Variants in EPS15 observed in about 807,000 individuals in gnomAD.
EPS15 encodes the protein epidermal growth factor receptor substrate 15.
EPS15 carries 72 observed loss-of-function variants against 113.8 expected under a neutral mutation model. The observed-to-expected ratio is 0.63, with a 90% CI of 0.52 to 0.77. EPS15 has a LOEUF of 0.77. EPS15 is among the 30% of genes least tolerant of loss of function. The pLI is 0.00. For synonymous variants in EPS15, 344 were observed against 363.4 expected, an observed-to-expected ratio of 0.95 and a Z score of 0.61; for missense variants, 1,048 against 1,045.8, an observed-to-expected ratio of 1.00 and a Z score of -0.03.
intron 1 of EPS15, among the ~76,000 whole-genome samples, chr1:51,495,332 GTTTTA>G (rs998592369): frequency 6.6e-6 from 1 of 150,878 alleles, no homozygotes; most frequent in African/African-American, 2.4e-5. Context: ...GACAAAGTGA[GTTTTA>G]TTTATTTTTA....
At chr1:51,411,876 TA>T (rs1649755417) in intron 13 of EPS15, among the ~76,000 whole-genome samples, 1 of 152,198 alleles carries the variant, frequency 6.6e-6, no homozygotes, top group African/African-American at 2.4e-5. Context: ...CAAAGGATTA[TA>T]AATCATTCCA....
At chr1:51,475,368 AT>A (rs1340375134) in intron 2 of EPS15, among the ~76,000 whole-genome samples, 2 of 152,184 alleles carry the variant, frequency 1.3e-5, no homozygotes, top group Non-Finnish European at 1.5e-5. Context: ...AATGATCGCC[AT>A]TCTAACTGGT....
At chr1:51,475,839 T>C (rs148586390) in intron 2 of EPS15, among the ~76,000 whole-genome samples, 13,352 of 152,222 alleles carry the variant, frequency 0.088, 659 homozygotes, top group Middle Eastern at 0.12. Flanking sequence ...CTTTAATCCA[T>C]CTTGAAATAA....
chr1:51,365,975 G>A lies in EPS15; in HGVS notation c.2174C>T (p.Ala725Val). 3 of 1,612,066 alleles carry A rather than the reference G, an allele frequency of 1.9e-6. No homozygotes were observed. Among genetic ancestry groups the A allele is most frequent in the Non-Finnish European group, 2.5e-6 (3 of 1,178,668 alleles). Residue 725 changes from alanine to valine, a missense_variant, in exon 22 of 25, where the codon GCT (alanine) becomes GTT (valine). Physicochemically the swap from Ala to Val is moderately conservative, Grantham distance 64. Transcript: ENST00000371733. ...TACCTTTGACAATGTGCTGAAGTCA[G>A]CAAATCCACCTCCAAATGATTCATT... ...FGNESFGGGF[A>V]DFSTLSKVNN...
chr1:51,387,356 T>C (rs987954301), intron 21 of EPS15, among the ~76,000 whole-genome samples: 1 of 152,058 alleles, frequency 6.6e-6, no homozygotes, highest in African/African-American at 2.4e-5. Context: ...TACCAGCCAC[T>C]GCAAAATCAT....
intron 22 of EPS15, among the ~76,000 whole-genome samples, chr1:51,365,020 C>G (rs532190241): frequency 2.0e-5 from 3 of 148,484 alleles, no homozygotes; most frequent in African/African-American, 7.5e-5. Flanking sequence ...TTGGTCAAGA[C>G]GAGGTTTCAC....
intron 15 of EPS15, 112 bp from the exon 16 acceptor site, chr1:51,406,220 A>C: frequency 1.2e-6 from 1 of 850,252 alleles, no homozygotes; most frequent in Non-Finnish European, 1.8e-6. Flanking sequence ...TCATGCCTAT[A>C]ATCTCAACAC....
At chr1:51,357,376 GAA>G (rs56655497) in intron 24 of EPS15, among the ~76,000 whole-genome samples, 869 of 33,016 alleles carry the variant, frequency 0.026, 10 homozygotes, top group Middle Eastern at 0.059. Context: ...GATTCCATCT[GAA>G]AAAAAAAAAA....
chr1:51,390,784 A>G (rs1003229678), intron 21 of EPS15, among the ~76,000 whole-genome samples: 7 of 152,186 alleles, frequency 4.6e-5, no homozygotes, highest in African/African-American at 1.7e-4. Context: ...CACACCAGTT[A>G]GAATGGCAAT....
At chr1:51,435,994 GAAGT>G (rs1313610418) in intron 12 of EPS15, among the ~76,000 whole-genome samples, 1 of 152,178 alleles carries the variant, frequency 6.6e-6, no homozygotes, top group Non-Finnish European at 1.5e-5. Flanking sequence ...GTGGTATGTT[GAAGT>G]AAGAGGTAAT....
intron 1 of EPS15, among the ~76,000 whole-genome samples, chr1:51,505,409 A>C (rs1237963426): frequency 6.6e-6 from 1 of 152,214 alleles, no homozygotes; most frequent in Non-Finnish European, 1.5e-5. Context: ...AAAGTGATAG[A>C]AGGCAGTCAT....
chr1:51,392,320 A>T, intron 21 of EPS15, among the ~76,000 whole-genome samples: 1 of 152,226 alleles, frequency 6.6e-6, no homozygotes, highest in Non-Finnish European at 1.5e-5. Flanking sequence ...ATTAAATGGG[A>T]CCAAGTAGAG....
intron 3 of EPS15, 119 bp downstream of exon 3, chr1:51,472,740 C>T (rs1655329825): frequency 1.4e-6 from 1 of 707,218 alleles, no homozygotes; most frequent in South Asian, 2.0e-5. Context: ...AAAATGGCTT[C>T]TATGACTCGG....
At chr1:51,406,947 G>A (rs1649188729) in intron 15 of EPS15, among the ~76,000 whole-genome samples, 1 of 152,194 alleles carries the variant, frequency 6.6e-6, no homozygotes, top group Middle Eastern at 3.2e-3. Flanking sequence ...GGTATATCTT[G>A]CATGACGAAT....
chr1:51,415,090 C>T (rs1650081930), intron 13 of EPS15, among the ~76,000 whole-genome samples: 1 of 152,012 alleles, frequency 6.6e-6, no homozygotes, highest in African/African-American at 2.4e-5. Flanking sequence ...TCTGATGTGA[C>T]TAAATTTTTA....
chr1:51,457,011 C>A (rs1313647391), intron 8 of EPS15, among the ~76,000 whole-genome samples: 1 of 152,114 alleles, frequency 6.6e-6, no homozygotes, highest in Non-Finnish European at 1.5e-5. Context: ...GGGGGCCAGG[C>A]ACAGTGGCTC....
chr1:51,398,354 T>C (rs560460562), intron 20 of EPS15, among the ~76,000 whole-genome samples: 3 of 152,034 alleles, frequency 2.0e-5, no homozygotes, highest in Non-Finnish European at 4.4e-5. Flanking sequence ...CGCCCAGCCA[T>C]GAAGATTTTT....
At chr1:51,357,501 A>C (rs1385045425) in intron 24 of EPS15, among the ~76,000 whole-genome samples, 3 of 142,614 alleles carry the variant, frequency 2.1e-5, no homozygotes, top group Non-Finnish European at 4.5e-5. Flanking sequence ...AGTAGATTAG[A>C]AGATTTAAAA....
intron 13 of EPS15, among the ~76,000 whole-genome samples, chr1:51,414,424 A>G (rs1205903339): frequency 3.3e-5 from 5 of 152,260 alleles, no homozygotes; most frequent in Non-Finnish European, 7.4e-5. Context: ...CTCAAAAAAA[A>G]AAAGAAAAAA....
Sources: allele counts gnomAD v4.1 joint callset (sites outside exome capture counted in the v4.1 genomes callset), GRCh38; gene constraint gnomAD v4.1.1; transcripts MANE v1.5; gene names NCBI Gene and HGNC (gene_info 2026-07-23, HGNC 2026-07-21).